Variants in DDX31 observed in about 807,000 individuals in gnomAD.
DDX31 encodes the protein DEAD-box helicase 31.
A neutral mutation model predicts 91.3 loss-of-function variants in DDX31; 70 were observed. That is an observed-to-expected ratio of 0.77 (90% CI 0.63 to 0.94). DDX31 has a LOEUF of 0.94. DDX31 is among the 40% of genes least tolerant of loss of function. DDX31 has a pLI of 0.00. For synonymous variants in DDX31, 362 were observed against 350.6 expected (o/e 1.03, Z -0.36); for missense variants, 902 against 925.0 (o/e 0.98, Z 0.32).
chr9:132,616,208 G>A (rs189453621), intron 18 of DDX31, among the ~76,000 whole-genome samples: 33 of 152,258 alleles, frequency 2.2e-4, no homozygotes, highest in Admixed American at 5.2e-4. Flanking sequence ...TGTAAGAGGC[G>A]GTGTTGTCCC....
chr9:132,638,552 G>T (rs1307914023), intron 14 of DDX31, among the ~76,000 whole-genome samples: 1 of 152,146 alleles, frequency 6.6e-6, no homozygotes, highest in Admixed American at 6.5e-5. Context: ...ATTACATTGT[G>T]AATGTGTGAG....
intron 19 of DDX31, among the ~76,000 whole-genome samples, chr9:132,605,281 T>C (rs1830949167): frequency 6.6e-6 from 1 of 152,206 alleles, no homozygotes; most frequent in Non-Finnish European, 1.5e-5. Context: ...CTGTGACAGG[T>C]GCTGGGCATT....
At chr9:132,655,137 ATG>A (rs1313810816) in intron 6 of DDX31, among the ~76,000 whole-genome samples, 1 of 152,078 alleles carries the variant, frequency 6.6e-6, no homozygotes, top group Non-Finnish European at 1.5e-5. Context: ...TATAGACCAT[ATG>A]TGTGTGTAAA....
At chr9:132,622,604 C>T (rs888072428) in intron 17 of DDX31, among the ~76,000 whole-genome samples, 1 of 152,192 alleles carries the variant, frequency 6.6e-6, no homozygotes, top group Non-Finnish European at 1.5e-5. Context: ...GACACCAATG[C>T]CAGGCCCAGA....
chr9:132,637,713 C>T lies in DDX31; in HGVS notation c.1440+4291G>A, dbSNP rs755727815. The T allele has an allele frequency of 3.4e-5, 18 of 536,178 alleles. 1 individual carries two copies. Among genetic ancestry groups the T allele is most frequent in the South Asian group, 2.4e-4 (3 of 12,404 alleles). 33.2% of individuals were successfully genotyped at this position (536,178 alleles called of 1,614,324 possible). ...GAGAGAGTGCAGAAGCTGTCAGAGG[C>T]GAGAGATCTTGGCTGGAGCCGCCAA... On this transcript the variant is annotated intron_variant, in intron 14 of 19. Coordinates refer to ENST00000372159, the MANE Select transcript of DDX31 (RefSeq NM_022779.9).
intron 17 of DDX31, 88 bp downstream of exon 17, chr9:132,625,576 G>A: frequency 3.3e-6 from 3 of 900,110 alleles, no homozygotes; most frequent in South Asian, 1.4e-5. Context: ...GCTTGACAGA[G>A]GAAGTAACCC....
chr9:132,648,051 C>G (rs1374084778), intron 11 of DDX31, 138 bp downstream of exon 11: 1 of 636,182 alleles, frequency 1.6e-6, no homozygotes, highest in Admixed American at 3.1e-5. Context: ...TTTGAAAAGG[C>G]AGTCTTCTAA....
chr9:132,632,257 C>CGT (rs1832815377), intron 14 of DDX31, among the ~76,000 whole-genome samples, 166 bp from the exon 15 acceptor site: 3 of 109,148 alleles, frequency 2.7e-5, no homozygotes, highest in African/African-American at 5.5e-5. Context: ...CACACACACA[C>CGT]ACACACACAC....
intron 19 of DDX31, among the ~76,000 whole-genome samples, chr9:132,597,823 G>A (rs150775722): frequency 5.3e-5 from 8 of 152,266 alleles, no homozygotes; most frequent in East Asian, 1.9e-4. Flanking sequence ...CACAAACACC[G>A]TGGGTCTGGG....
chr9:132,643,820 A>C (rs918070458), intron 13 of DDX31, among the ~76,000 whole-genome samples: 2 of 152,128 alleles, frequency 1.3e-5, no homozygotes, highest in African/African-American at 4.8e-5. Context: ...ATCATTTTTA[A>C]TGGCTGCATC....
At chr9:132,607,924 G>A (rs1196998041) in intron 19 of DDX31, among the ~76,000 whole-genome samples, 5 of 152,164 alleles carry the variant, frequency 3.3e-5, no homozygotes, top group Non-Finnish European at 5.9e-5. Context: ...CCTATTGAGC[G>A]TGCCTGCTCA....
intron 15 of DDX31, among the ~76,000 whole-genome samples, chr9:132,631,189 T>A (rs1364941559): frequency 6.6e-6 from 1 of 152,248 alleles, no homozygotes; most frequent in Non-Finnish European, 1.5e-5. Flanking sequence ...TTCCCTTTGA[T>A]GCTACACATA....
rs769829560 is a variant in DDX31 at position 132,658,786 on chromosome 9, T to G, written c.524-51A>C. On this transcript the variant is annotated intron_variant, in intron 5 of 19. Coordinates refer to ENST00000372159, the MANE Select transcript of DDX31 (RefSeq NM_022779.9). ...TAAAATCACACACCCTACAGATGTT[T>G]AAGAAAAGCAAAGGATGTAAAGGAA... 3.9e-6 allele frequency: 6 copies of G among 1,551,226 alleles called. No individual in the cohort carries two copies. In the East Asian group the frequency reaches 1.3e-4, roughly 35 times the overall value.
At chr9:132,653,118 A>AG (rs1834316424) in intron 6 of DDX31, among the ~76,000 whole-genome samples, 1 of 152,086 alleles carries the variant, frequency 6.6e-6, no homozygotes, top group African/African-American at 2.4e-5. Context: ...TATCTTACAA[A>AG]AAAAAAAACC....
intron 16 of DDX31, 125 bp downstream of exon 16, chr9:132,630,139 G>T: frequency 9.3e-7 from 1 of 1,076,846 alleles, no homozygotes; most frequent in Non-Finnish European, 1.3e-6. Flanking sequence ...GCTATTCTGG[G>T]ACTCATTTAG....
rs928948538 is a variant in DDX31 at position 132,663,512 on chromosome 9, C to T, written c.76-817G>A. On this transcript the variant is annotated intron_variant, in intron 1 of 19. Transcript: ENST00000372159. Reference sequence around the variant, plus strand: ...CTTAAATGCATGATGTCCAAACTTCCCCTAGGAGAAGGAACATCCAATTCC... The same window carrying T: ...CTTAAATGCATGATGTCCAAACTTCTCCTAGGAGAAGGAACATCCAATTCC... 9.1e-6 allele frequency: 9 copies of T among 985,290 alleles called. No individual in the cohort carries two copies. In the African/African-American group the frequency reaches 1.6e-4, roughly 17 times the overall value. The allele number at this position is 985,290 out of a possible 1,614,324, so 61.0% of individuals were successfully genotyped here.
intron 19 of DDX31, among the ~76,000 whole-genome samples, chr9:132,597,201 G>A (rs761705951): frequency 2.6e-5 from 4 of 152,132 alleles, no homozygotes; most frequent in Non-Finnish European, 5.9e-5. Flanking sequence ...TAAGAGCAGC[G>A]AGTCTCATCA....
intron 6 of DDX31, among the ~76,000 whole-genome samples, chr9:132,652,793 T>C (rs1330600495): frequency 1.3e-5 from 2 of 152,152 alleles, no homozygotes; most frequent in Non-Finnish European, 2.9e-5. Context: ...CGAGATCTGA[T>C]GGGTTTATCA....
Position 132,648,423 on chromosome 9 carries a change from G to A in DDX31, c.860+9C>T, listed in dbSNP as rs745666221. 5.0e-5 allele frequency: 81 copies of A among 1,612,116 alleles called. No homozygotes were observed. The highest frequency in any genetic ancestry group is 4.0e-5 in the African/African-American group (3 of 74,748). ...CTTCTACCTGTTATCATCCTGGGAC[G>A]AGGCTCACCTGTCTGCTTCATCAAA... On this transcript the variant is annotated intron_variant, in intron 10 of 19. Coordinates refer to ENST00000372159, the MANE Select transcript of DDX31 (RefSeq NM_022779.9).
Sources: allele counts gnomAD v4.1 joint callset (sites outside exome capture counted in the v4.1 genomes callset), GRCh38; gene constraint gnomAD v4.1.1; transcripts MANE v1.5; gene names NCBI Gene and HGNC (gene_info 2026-07-23, HGNC 2026-07-21).